The following PDZRN4 variants were observed in gnomAD, a reference collection of about 807,000 sequenced individuals.
PDZRN4 encodes PDZ domain containing ring finger 4.
PDZRN4 carries 70 observed loss-of-function variants against 99.0 expected under a neutral mutation model. That is an observed-to-expected ratio of 0.71 (90% CI 0.58 to 0.86). PDZRN4 has a LOEUF of 0.86. PDZRN4 is among the 40% of genes least tolerant of loss of function. PDZRN4 has a pLI of 0.00. For missense variants in PDZRN4, 1,474 were observed against 1,331.2 expected (o/e 1.11, Z -1.67); for synonymous variants, 551 against 501.6 (o/e 1.10, Z -1.32).
chr12:41,254,034 CGTGTGT>C (rs3042934), intron 3 of PDZRN4, among the ~76,000 whole-genome samples: 17 of 149,232 alleles, frequency 1.1e-4, no homozygotes, highest in South Asian at 4.3e-4. Flanking sequence ...TATGTGTGTG[CGTGTGT>C]GTGTGTGTGT....
At chr12:41,320,140 G>A (rs187300365) in intron 3 of PDZRN4, among the ~76,000 whole-genome samples, 2 of 152,308 alleles carry the variant, frequency 1.3e-5, no homozygotes, top group Admixed American at 6.5e-5. Context: ...CTGAGGTAGC[G>A]AGAACATCGT....
rs528268218 is a variant in PDZRN4 at position 41,311,720 on chromosome 12, G to C, written c.843+117532G>C. ...TGAATCATTGACTGTTTTACTTGCT[G>C]TATGAGTTATTGATGCTCTGTAGAA... is the stretch of plus-strand genomic sequence containing the variant. On this transcript the variant is annotated intron_variant, in intron 3 of 9. Transcript: ENST00000402685. Among the ~76,000 whole-genome samples the C allele has an allele frequency of 2.4e-4, 36 of 152,204 alleles. 1 individual carries two copies. In the South Asian group the frequency reaches 7.3e-3, roughly 31 times the overall value.
chr12:41,427,918 T>C (rs1952551032), intron 3 of PDZRN4, among the ~76,000 whole-genome samples: 1 of 152,114 alleles, frequency 6.6e-6, no homozygotes, highest in African/African-American at 2.4e-5. Flanking sequence ...TGAAACCCTG[T>C]CTCTACTAAA....
At chr12:41,247,571 C>T (rs1251165738) in intron 3 of PDZRN4, among the ~76,000 whole-genome samples, 2 of 152,040 alleles carry the variant, frequency 1.3e-5, no homozygotes, top group Non-Finnish European at 2.9e-5. Context: ...GACTCCAATT[C>T]CTGGGTTTGG....
chr12:41,454,771 T>G (rs1952804418), intron 3 of PDZRN4, among the ~76,000 whole-genome samples: 1 of 152,238 alleles, frequency 6.6e-6, no homozygotes, highest in Admixed American at 6.5e-5. Context: ...TGACCAACTG[T>G]GGGACAAATG....
chr12:41,377,221 G>A (rs1441451887), intron 3 of PDZRN4, among the ~76,000 whole-genome samples: 1 of 151,970 alleles, frequency 6.6e-6, no homozygotes, highest in Non-Finnish European at 1.5e-5. Context: ...GGTCTTCTGT[G>A]GTTCCATATG....
At chr12:41,432,744 G>A (rs1276878904) in intron 3 of PDZRN4, among the ~76,000 whole-genome samples, 1 of 152,144 alleles carries the variant, frequency 6.6e-6, no homozygotes, top group African/African-American at 2.4e-5. Flanking sequence ...CTAGCTGATG[G>A]GATCAAGGAA....
At chr12:41,326,131 G>C (rs928392905) in intron 3 of PDZRN4, among the ~76,000 whole-genome samples, 4 of 135,310 alleles carry the variant, frequency 3.0e-5, no homozygotes, top group Non-Finnish European at 4.8e-5. Context: ...CTATAAGCAT[G>C]TGCCACCACA....
chr12:41,534,955 G>A (rs1434555707), intron 5 of PDZRN4, among the ~76,000 whole-genome samples: 1 of 151,234 alleles, frequency 6.6e-6, no homozygotes, highest in Non-Finnish European at 1.5e-5. Flanking sequence ...AGATAATTCT[G>A]TCTAATCTAC....
chr12:41,242,470 G>T (rs1951107284), intron 3 of PDZRN4, among the ~76,000 whole-genome samples: 2 of 152,148 alleles, frequency 1.3e-5, no homozygotes, highest in African/African-American at 4.8e-5. Context: ...ATACCTCGCT[G>T]GTTACACAAC....
intron 3 of PDZRN4, among the ~76,000 whole-genome samples, chr12:41,395,021 C>A (rs910338343): frequency 2.0e-5 from 3 of 152,128 alleles, no homozygotes; most frequent in Non-Finnish European, 4.4e-5. Context: ...TAAACCACTG[C>A]AGTTCACTTT....
chr12:41,486,954 T>G (rs1354584298), intron 3 of PDZRN4, among the ~76,000 whole-genome samples: 2 of 152,152 alleles, frequency 1.3e-5, no homozygotes, highest in East Asian at 3.9e-4. Context: ...CCTTACCTCT[T>G]AATTAAATCT....
intron 3 of PDZRN4, among the ~76,000 whole-genome samples, chr12:41,218,811 T>C (rs1338391716): frequency 6.6e-6 from 1 of 152,126 alleles, no homozygotes; most frequent in Non-Finnish European, 1.5e-5. Context: ...AGTTCAAATA[T>C]TTGGCTACAA....
At chr12:41,316,382 A>G (rs1382165518) in intron 3 of PDZRN4, among the ~76,000 whole-genome samples, 1 of 151,994 alleles carries the variant, frequency 6.6e-6, no homozygotes, top group Non-Finnish European at 1.5e-5. Flanking sequence ...AGTATTCACC[A>G]TAAGCAAATA....
At chr12:41,460,112 A>G (rs1170669848) in intron 3 of PDZRN4, 1 of 1,266,198 alleles carries the variant, frequency 7.9e-7, no homozygotes, top group Admixed American at 2.5e-5. Context: ...AGGGGATCAT[A>G]AACATAGCCT....
chr12:41,393,616 TCAA>T, intron 3 of PDZRN4, among the ~76,000 whole-genome samples: 1 of 152,344 alleles, frequency 6.6e-6, no homozygotes, highest in South Asian at 2.1e-4. Flanking sequence ...TAACAGGTTC[TCAA>T]CAACAATTTA....
chr12:41,257,536 C>CT (rs1951211587), intron 3 of PDZRN4, among the ~76,000 whole-genome samples: 1 of 152,126 alleles, frequency 6.6e-6, no homozygotes, highest in African/African-American at 2.4e-5. Flanking sequence ...TGGGATAGCC[C>CT]TGGAATAGAC....
At chr12:41,277,383 C>T (rs954142715) in intron 3 of PDZRN4, among the ~76,000 whole-genome samples, 8 of 152,090 alleles carry the variant, frequency 5.3e-5, no homozygotes, top group South Asian at 4.2e-4. Context: ...ATAAAACGGG[C>T]GTGAGTTCTG....
intron 3 of PDZRN4, among the ~76,000 whole-genome samples, chr12:41,305,375 C>A (rs573366831): frequency 6.6e-6 from 1 of 152,130 alleles, no homozygotes; most frequent in Non-Finnish European, 1.5e-5. Context: ...GCCAAACATG[C>A]AATAAGTACT....
Sources: allele counts gnomAD v4.1 joint callset (sites outside exome capture counted in the v4.1 genomes callset), GRCh38; gene constraint gnomAD v4.1.1; transcripts MANE v1.5; gene names NCBI Gene and HGNC (gene_info 2026-07-23, HGNC 2026-07-21).